Variants in GRIP1 observed in about 807,000 individuals in gnomAD.
GRIP1 encodes glutamate receptor interacting protein 1, also known as glutamate receptor-interacting protein 1.
In GRIP1, 45 loss-of-function variants were observed where a neutral mutation model predicts 129.9. The ratio of observed to expected loss-of-function variants is 0.35; its 90% CI spans 0.27 to 0.44. GRIP1 has a LOEUF of 0.44. Among genes scored for constraint, GRIP1 ranks in the 20% least tolerant of loss-of-function variants. The pLI is 1.00. For synonymous variants in GRIP1, 530 were observed against 520.8 expected (o/e 1.02, Z -0.24); for missense variants, 1,196 against 1,396.8 (o/e 0.86, Z 2.29).
intron 1 of GRIP1, among the ~76,000 whole-genome samples, chr12:66,693,915 T>C (rs908637127): frequency 1.3e-5 from 2 of 152,184 alleles, no homozygotes; most frequent in African/African-American, 2.4e-5. Context: ...GCACTCAAAT[T>C]TGGCATCTTT....
Position 66,348,874 on chromosome 12 carries a change from G to GC in GRIP1, c.*144dup. ...AACTTGAAAAGGGAAGTGAACATGAGCCATGAGAGAGATTTAAAAGACCCC... is the reference window on the plus strand; with the variant it reads ...AACTTGAAAAGGGAAGTGAACATGAGCCCATGAGAGAGATTTAAAAGACCCC... On this transcript the variant is annotated 3_prime_UTR_variant, in exon 25 of 25. Coordinates refer to ENST00000359742, the MANE Select transcript of GRIP1 (RefSeq NM_001366722.1). The GC allele has an allele frequency of 1.4e-6, 1 of 739,062 alleles. No individual in the cohort carries two copies. Among genetic ancestry groups the GC allele is most frequent in the African/African-American group, 1.7e-5 (1 of 57,866 alleles). 45.8% of individuals were successfully genotyped at this position (739,062 alleles called of 1,614,324 possible).
chr12:66,596,164 T>C (rs2064041676), intron 2 of GRIP1, among the ~76,000 whole-genome samples: 2 of 152,246 alleles, frequency 1.3e-5, no homozygotes, highest in African/African-American at 4.8e-5. Flanking sequence ...ATGAATTATT[T>C]AGTTCAGATT....
intron 1 of GRIP1, among the ~76,000 whole-genome samples, chr12:66,968,601 T>C (rs2042029894): frequency 6.6e-6 from 1 of 152,212 alleles, no homozygotes; most frequent in African/African-American, 2.4e-5. Context: ...CAACTAATAC[T>C]ATGCCATTTC....
intron 1 of GRIP1, among the ~76,000 whole-genome samples, chr12:66,704,294 AATT>A (rs1288200955): frequency 1.3e-5 from 2 of 152,030 alleles, no homozygotes; most frequent in Non-Finnish European, 2.9e-5. Context: ...CAATAGAAGA[AATT>A]ATTAAAAAAC....
intron 1 of GRIP1, among the ~76,000 whole-genome samples, chr12:66,617,758 C>A (rs1175091831): frequency 6.9e-6 from 1 of 145,262 alleles, no homozygotes; most frequent in Non-Finnish European, 1.5e-5. Flanking sequence ...ATACTACTGG[C>A]TCATGAAAGA....
At chr12:66,931,073 C>G (rs1233079986) in intron 1 of GRIP1, among the ~76,000 whole-genome samples, 1 of 152,194 alleles carries the variant, frequency 6.6e-6, no homozygotes, top group South Asian at 2.1e-4. Flanking sequence ...TCCGAACTTA[C>G]TGTCTTCAAC....
At chr12:66,843,536 TCTCACA>T in intron 1 of GRIP1, among the ~76,000 whole-genome samples, 1 of 152,204 alleles carries the variant, frequency 6.6e-6, no homozygotes, top group South Asian at 2.1e-4. Flanking sequence ...AATCTGAAGA[TCTCACA>T]CTTTCCAGTT....
intron 1 of GRIP1, among the ~76,000 whole-genome samples, chr12:66,637,199 G>C (rs1263045406): frequency 6.6e-6 from 1 of 151,854 alleles, no homozygotes; most frequent in East Asian, 1.9e-4. Flanking sequence ...TGGGAGAGTA[G>C]AAACTGTATA....
chr12:66,868,914 C>T (rs1184170878), intron 1 of GRIP1, among the ~76,000 whole-genome samples: 1 of 152,096 alleles, frequency 6.6e-6, no homozygotes, highest in African/African-American at 2.4e-5. Context: ...AGTTATCTTT[C>T]ACAAGGAGTC....
intron 23 of GRIP1, among the ~76,000 whole-genome samples, chr12:66,365,058 A>G (rs1340848169): frequency 6.6e-6 from 1 of 152,212 alleles, no homozygotes; most frequent in Non-Finnish European, 1.5e-5. Flanking sequence ...TCTACAATGT[A>G]TACATGTATC....
chr12:66,410,342 A>C (rs2057352164), intron 15 of GRIP1, among the ~76,000 whole-genome samples: 1 of 148,976 alleles, frequency 6.7e-6, no homozygotes, highest in Non-Finnish European at 1.5e-5. Context: ...AAAGAAAAAA[A>C]AAAGCTGGGC....
intron 1 of GRIP1, among the ~76,000 whole-genome samples, chr12:67,029,062 G>A (rs2042981273): frequency 1.3e-5 from 2 of 151,768 alleles, no homozygotes; most frequent in Non-Finnish European, 2.9e-5. Flanking sequence ...TGAGGCCAGG[G>A]GTTCAAGACC....
intron 1 of GRIP1, among the ~76,000 whole-genome samples, chr12:66,862,728 A>C (rs1268994): frequency 0.96 from 146,447 of 152,038 alleles, 70,789 homozygotes; most frequent in East Asian, 1. Flanking sequence ...AGCTTTATCA[A>C]CCTCCGAGGG....
chr12:66,707,421 A>C (rs1184846592), intron 1 of GRIP1, among the ~76,000 whole-genome samples: 1 of 150,392 alleles, frequency 6.6e-6, no homozygotes, highest in Non-Finnish European at 1.5e-5. Context: ...CTAATGTACG[A>C]TTTAAAATTA....
intron 1 of GRIP1, among the ~76,000 whole-genome samples, chr12:66,622,616 T>C (rs1416065824): frequency 6.6e-6 from 1 of 152,150 alleles, no homozygotes; most frequent in Non-Finnish European, 1.5e-5. Flanking sequence ...GCCAGGCAAC[T>C]GAATACTGTT....
At chr12:66,368,169 T>C (rs2055262188) in intron 23 of GRIP1, among the ~76,000 whole-genome samples, 1 of 152,152 alleles carries the variant, frequency 6.6e-6, no homozygotes, top group Non-Finnish European at 1.5e-5. Context: ...CCTCAGAAGA[T>C]GGAAGGTGAG....
At chr12:66,815,168 T>A (rs2039183938) in intron 1 of GRIP1, among the ~76,000 whole-genome samples, 1 of 152,188 alleles carries the variant, frequency 6.6e-6, no homozygotes, top group African/African-American at 2.4e-5. Flanking sequence ...TGTAACTAGA[T>A]CTTCTCCTGG....
intron 7 of GRIP1, among the ~76,000 whole-genome samples, chr12:66,494,394 C>G (rs551088788): frequency 6.6e-6 from 1 of 152,274 alleles, no homozygotes; most frequent in South Asian, 2.1e-4. Context: ...GTTCTGCCTT[C>G]AAAACTTTTA....
intron 15 of GRIP1, among the ~76,000 whole-genome samples, 165 bp from the exon 16 acceptor site, chr12:66,406,593 T>A (rs188555874): frequency 1.3e-5 from 2 of 152,320 alleles, no homozygotes; most frequent in East Asian, 3.9e-4. Flanking sequence ...CTTCTAGTCT[T>A]ATTTGGGTTG....
Sources: gnomAD v4.1 joint callset for allele counts (sites outside exome capture counted in the v4.1 genomes callset) on GRCh38, gnomAD v4.1.1 for gene constraint, MANE v1.5 for transcripts, NCBI Gene and HGNC (gene_info 2026-07-23, HGNC 2026-07-21) for gene names.